The following JAZF1 variants were observed in gnomAD, a reference collection of about 807,000 sequenced individuals.
The protein encoded by JAZF1 is juxtaposed with another zinc finger protein 1.
In JAZF1, 8 loss-of-function variants were observed where a neutral mutation model predicts 26.4. The observed-to-expected ratio is 0.30, with a 90% CI of 0.18 to 0.55. The LOEUF is 0.55. Ranked by LOEUF, JAZF1 falls within the 20% of genes least tolerant of loss-of-function variation. JAZF1 has a pLI of 0.94. For missense variants in JAZF1, 199 were observed against 322.0 expected (o/e 0.62, Z 2.92); for synonymous variants, 126 against 122.3 (o/e 1.03, Z -0.20).
At chr7:28,081,699 A>G (rs895495572) in intron 1 of JAZF1, among the ~76,000 whole-genome samples, 2 of 152,156 alleles carry the variant, frequency 1.3e-5, no homozygotes, top group Non-Finnish European at 2.9e-5. Context: ...TTAATAAAAC[A>G]TCAAGGCCAG....
chr7:28,035,340 AAAAG>A (rs1554283355), intron 1 of JAZF1, among the ~76,000 whole-genome samples: 10 of 145,420 alleles, frequency 6.9e-5, no homozygotes, highest in African/African-American at 1.0e-4. Flanking sequence ...AAAAAAAAAA[AAAAG>A]AAAGAAAGAA....
chr7:27,914,696 T>C (rs911337104), intron 2 of JAZF1: 5 of 470,846 alleles, frequency 1.1e-5, no homozygotes, highest in African/African-American at 2.0e-5. Flanking sequence ...CATATAGATA[T>C]AGCACTTCTT....
At chr7:28,083,038 G>A (rs147861878) in intron 1 of JAZF1, among the ~76,000 whole-genome samples, 1 of 152,108 alleles carries the variant, frequency 6.6e-6, no homozygotes, top group Non-Finnish European at 1.5e-5. Context: ...CACCTCCTTT[G>A]CTTCTGCTGT....
intron 3 of JAZF1, among the ~76,000 whole-genome samples, chr7:27,867,466 C>T (rs941026995): frequency 7.9e-5 from 12 of 152,138 alleles, no homozygotes; most frequent in Admixed American, 2.0e-4. Context: ...CAGCCTGTGC[C>T]GCATGAAAAA....
intron 2 of JAZF1, among the ~76,000 whole-genome samples, chr7:27,909,434 C>T (rs1446159758): frequency 2.0e-5 from 3 of 151,752 alleles, no homozygotes; most frequent in Admixed American, 1.3e-4. Context: ...TGGCCGGGCG[C>T]GGTGGCTCAT....
At chr7:28,070,661 G>A (rs546254061) in intron 1 of JAZF1, among the ~76,000 whole-genome samples, 63 of 152,302 alleles carry the variant, frequency 4.1e-4, no homozygotes, top group African/African-American at 1.5e-3. Context: ...CTCCCTCCAA[G>A]CCCTGCAATG....
rs1342522758 is a variant in JAZF1 at position 27,840,311 on chromosome 7, C to G, written c.555+387G>C. ...CAACTTCAAAGTGGTCTCCCGTGAG[C>G]CATCTGTAGGGCCATCCGTTGGGGA... On this transcript the variant is annotated intron_variant, in intron 4 of 4. Transcript: ENST00000283928. The surrounding 1 kb of genome is among the most constrained non-coding windows in gnomAD (Gnocchi z 5.1). 6.6e-6 allele frequency among the ~76,000 whole-genome samples: 1 copy of G among 152,232 alleles called. No homozygotes were observed. Among genetic ancestry groups the G allele is most frequent in the East Asian group, 1.9e-4 (1 of 5,194 alleles).
At chr7:28,163,634 G>A (rs1783324307) in intron 1 of JAZF1, among the ~76,000 whole-genome samples, 1 of 152,162 alleles carries the variant, frequency 6.6e-6, no homozygotes, top group South Asian at 2.1e-4. Context: ...TATTCTTTGT[G>A]GCCAAGGAGA....
chr7:28,075,505 C>G (rs1366495362), intron 1 of JAZF1, among the ~76,000 whole-genome samples: 1 of 151,998 alleles, frequency 6.6e-6, no homozygotes, highest in East Asian at 1.9e-4. Context: ...TGATTTTTAC[C>G]ATAAACAATT....
chr7:27,856,348 G>C (rs1434087775), intron 3 of JAZF1, among the ~76,000 whole-genome samples: 1 of 152,240 alleles, frequency 6.6e-6, no homozygotes, highest in East Asian at 1.9e-4. Context: ...CTTTCACAGT[G>C]AGTGTTACAG....
chr7:28,166,869 A>G (rs1783376433), intron 1 of JAZF1, among the ~76,000 whole-genome samples: 1 of 152,206 alleles, frequency 6.6e-6, no homozygotes, highest in Non-Finnish European at 1.5e-5. Flanking sequence ...GGGAAATCAA[A>G]TTTCACCTAA....
chr7:27,838,874 A>C (rs575066423), intron 4 of JAZF1, among the ~76,000 whole-genome samples: 112 of 152,156 alleles, frequency 7.4e-4, no homozygotes, highest in Non-Finnish European at 1.2e-3. Flanking sequence ...ACCAACTGCC[A>C]CCCATGTCAC....
intron 2 of JAZF1, among the ~76,000 whole-genome samples, chr7:27,918,290 A>G (rs1453899438): frequency 1.3e-5 from 2 of 152,176 alleles, no homozygotes; most frequent in African/African-American, 4.8e-5. Flanking sequence ...TTTAAAAAAA[A>G]TCCTGATTAC....
At chr7:27,845,611 C>T (rs138451136) in intron 3 of JAZF1, among the ~76,000 whole-genome samples, 1,870 of 150,152 alleles carry the variant, frequency 0.012, 43 homozygotes, top group African/African-American at 0.043. Context: ...GCAGGAGAAT[C>T]GCTTGAACCC....
At chr7:27,899,444 A>G (rs1784128256) in intron 2 of JAZF1, among the ~76,000 whole-genome samples, 1 of 152,030 alleles carries the variant, frequency 6.6e-6, no homozygotes, top group Non-Finnish European at 1.5e-5. Context: ...GCTGATGTGG[A>G]TATTTTTTTG....
chr7:27,911,439 C>T (rs1024479460), intron 2 of JAZF1, among the ~76,000 whole-genome samples: 10 of 152,072 alleles, frequency 6.6e-5, no homozygotes, highest in African/African-American at 2.4e-4. Flanking sequence ...TAATATCATG[C>T]CATAGGAAAG....
At chr7:28,132,244 T>C (rs1277499605) in intron 1 of JAZF1, among the ~76,000 whole-genome samples, 1 of 152,194 alleles carries the variant, frequency 6.6e-6, no homozygotes, top group Non-Finnish European at 1.5e-5. Context: ...TAGCAATGAA[T>C]TCATTAGGGA....
chr7:28,067,489 T>A (rs138704053), intron 1 of JAZF1, among the ~76,000 whole-genome samples: 140 of 152,300 alleles, frequency 9.2e-4, no homozygotes, highest in African/African-American at 3.1e-3. Context: ...TGAGAATCAA[T>A]GCCAAGGCTT....
intron 2 of JAZF1, among the ~76,000 whole-genome samples, chr7:27,898,317 T>TG (rs2037805924): frequency 2.5e-5 from 1 of 40,220 alleles, no homozygotes; most frequent in South Asian, 9.5e-4. Context: ...ATCGGTTTTT[T>TG]TTTTTTTTTT....
Sources: allele counts gnomAD v4.1 joint callset (sites outside exome capture counted in the v4.1 genomes callset), GRCh38; gene constraint gnomAD v4.1.1; non-coding constraint Gnocchi (gnomAD v3.1); transcripts MANE v1.5; gene names NCBI Gene and HGNC (gene_info 2026-07-23, HGNC 2026-07-21).